Variants in TMCO4 observed in about 807,000 individuals in gnomAD.
TMCO4 encodes transmembrane and coiled-coil domain-containing protein 4.
In TMCO4, 58 loss-of-function variants were observed where a neutral mutation model predicts 64.7. That is an observed-to-expected ratio of 0.90 (90% CI 0.73 to 1.12). The LOEUF (loss-of-function observed/expected upper bound fraction) is 1.12. Among genes scored for constraint, TMCO4 ranks in the 50% most tolerant of loss-of-function variants. The pLI, the probability that TMCO4 is intolerant of heterozygous loss-of-function variation, is 0.00. For missense variants in TMCO4, 780 were observed against 825.9 expected, an observed-to-expected ratio of 0.94 and a Z score of 0.68; for synonymous variants, 325 against 346.1, an observed-to-expected ratio of 0.94 and a Z score of 0.68.
rs141814128 is a variant in TMCO4, at chr1:19,793,166, C to T, written c.-101+4971G>A. On this transcript the variant is annotated intron_variant, in intron 2 of 15. Coordinates refer to ENST00000294543, the MANE Select transcript of TMCO4 (RefSeq NM_181719.7). ...TGCTCCAGCCATACCCTCCTCCTTG[C>T]AGCTCCTGGACCCCACCAGGCTTTC... Among the ~76,000 whole-genome samples the T allele has an allele frequency of 1.3e-3, 202 of 152,212 alleles. 3 individuals are homozygous for T. The highest frequency in any genetic ancestry group is 4.7e-3 in the African/African-American group (196 of 41,536).
At chr1:19,799,538 G>C in intron 1 of TMCO4, among the ~76,000 whole-genome samples, 1 of 152,358 alleles carries the variant, frequency 6.6e-6, no homozygotes, top group Middle Eastern at 3.4e-3. Flanking sequence ...CTAAGAACTC[G>C]GAGGCCGAGG....
At chr1:19,744,725 G>A (rs1382169363) in intron 10 of TMCO4, among the ~76,000 whole-genome samples, 2 of 152,162 alleles carry the variant, frequency 1.3e-5, no homozygotes, top group East Asian at 1.9e-4. Context: ...TCTGCTCCTG[G>A]TTTATCGGGC....
rs2041789087 is a variant in TMCO4 at position 19,746,523 on chromosome 1, A to G, written c.690T>C (p.Ala230=). ...TGGCTATGCCGGCTGCTGAGCCCAG[A>G]GCCGCTGCCCCGGCGCTGCCAATAA... ...ATIIGSAGAA[A]LGSAAGIAIM... Residue 230 remains alanine (A), a synonymous_variant, in exon 9 of 16, where the codon GCT becomes GCC. Coordinates refer to ENST00000294543, the MANE Select transcript of TMCO4 (RefSeq NM_181719.7). The G allele has an allele frequency of 6.2e-7, 1 of 1,611,996 alleles. No homozygotes were observed. Among genetic ancestry groups the G allele is most frequent in the Non-Finnish European group, 8.5e-7 (1 of 1,179,302 alleles).
intron 13 of TMCO4, among the ~76,000 whole-genome samples, chr1:19,709,798 T>C (rs1302925745): frequency 1.3e-5 from 2 of 151,864 alleles, no homozygotes; most frequent in Admixed American, 6.6e-5. Context: ...TTCTTTCTTT[T>C]TTTTTTTTAG....
intron 4 of TMCO4, among the ~76,000 whole-genome samples, chr1:19,776,398 C>G (rs986413865): frequency 6.6e-6 from 1 of 152,142 alleles, no homozygotes; most frequent in Non-Finnish European, 1.5e-5. Flanking sequence ...AGACACAGGA[C>G]AGTAACTCGC....
At chr1:19,701,361 G>A (rs2095271471) in intron 13 of TMCO4, among the ~76,000 whole-genome samples, 2 of 152,004 alleles carry the variant, frequency 1.3e-5, no homozygotes, top group Non-Finnish European at 2.9e-5. Context: ...TAGTAGAGAT[G>A]GGGTTTTACC....
chr1:19,685,150 C>A (rs1473168590), intron 15 of TMCO4, among the ~76,000 whole-genome samples: 4 of 152,160 alleles, frequency 2.6e-5, no homozygotes, highest in East Asian at 1.9e-4. Context: ...CATGGGGAAA[C>A]CCTGTCTCTA....
At chr1:19,790,521 A>G (rs2043977643) in intron 2 of TMCO4, among the ~76,000 whole-genome samples, 1 of 152,224 alleles carries the variant, frequency 6.6e-6, no homozygotes, top group Non-Finnish European at 1.5e-5. Context: ...CACTTCTCAA[A>G]AGATATTCAT....
chr1:19,691,012 G>A (rs968931878), intron 15 of TMCO4, among the ~76,000 whole-genome samples: 8 of 151,900 alleles, frequency 5.3e-5, no homozygotes, highest in African/African-American at 1.9e-4. Context: ...GGGACTACAG[G>A]TGCCCACCGC....
intron 9 of TMCO4, 136 bp from the exon 10 acceptor site, chr1:19,745,787 T>G: frequency 8.2e-7 from 1 of 1,221,350 alleles, no homozygotes; most frequent in Non-Finnish European, 1.1e-6. Flanking sequence ...CATTTTGTGT[T>G]TGAACTCATT....
At chr1:19,753,700 C>T (rs898371931) in intron 7 of TMCO4, among the ~76,000 whole-genome samples, 4 of 152,258 alleles carry the variant, frequency 2.6e-5, no homozygotes, top group Admixed American at 2.6e-4. Flanking sequence ...CCCAAGGCCA[C>T]ACAGAGGGTT....
chr1:19,709,724 T>C (rs533447100), intron 13 of TMCO4, among the ~76,000 whole-genome samples: 87 of 151,502 alleles, frequency 5.7e-4, no homozygotes, highest in Non-Finnish European at 1.0e-3. Flanking sequence ...TTGTTTCTGT[T>C]TGTTTTTTTT....
chr1:19,716,317 T>C (rs1280886603), intron 13 of TMCO4, among the ~76,000 whole-genome samples: 1 of 150,320 alleles, frequency 6.7e-6, no homozygotes, highest in African/African-American at 2.4e-5. Flanking sequence ...CCTCAGTAGC[T>C]GGGATTACAG....
intron 13 of TMCO4, among the ~76,000 whole-genome samples, chr1:19,708,331 C>T (rs538143382): frequency 7.3e-5 from 11 of 151,404 alleles, no homozygotes; most frequent in South Asian, 6.3e-4. Context: ...ACTCCTGAGA[C>T]GGTGCTTTAC....
chr1:19,768,465 A>G (rs1479969806), intron 6 of TMCO4, among the ~76,000 whole-genome samples: 1 of 151,884 alleles, frequency 6.6e-6, no homozygotes, highest in Non-Finnish European at 1.5e-5. Flanking sequence ...ATATATGACA[A>G]CTCCTGAGAC....
intron 3 of TMCO4, among the ~76,000 whole-genome samples, chr1:19,782,926 T>A (rs2043559358): frequency 6.6e-6 from 1 of 152,186 alleles, no homozygotes; most frequent in African/African-American, 2.4e-5. Flanking sequence ...CCATACAGTA[T>A]CTACCTAGAA....
chr1:19,706,344 T>A (rs927893818), intron 13 of TMCO4, among the ~76,000 whole-genome samples: 3 of 152,198 alleles, frequency 2.0e-5, no homozygotes, highest in African/African-American at 7.2e-5. Flanking sequence ...TCAATAATAA[T>A]GGATATGAGA....
At chr1:19,685,339 C>CAAA (rs2095138303) in intron 15 of TMCO4, among the ~76,000 whole-genome samples, 1 of 151,526 alleles carries the variant, frequency 6.6e-6, no homozygotes, top group Non-Finnish European at 1.5e-5. Context: ...AAAAAACAAA[C>CAAA]AGACAAAAAA....
intron 7 of TMCO4, among the ~76,000 whole-genome samples, chr1:19,753,238 G>C (rs796904354): frequency 5.2e-4 from 79 of 152,298 alleles, no homozygotes; most frequent in African/African-American, 1.8e-3. Flanking sequence ...GGGATTACAG[G>C]TGTGAGCCAC....
Sources: allele counts gnomAD v4.1 joint callset (sites outside exome capture counted in the v4.1 genomes callset), GRCh38; gene constraint gnomAD v4.1.1; transcripts MANE v1.5; gene names NCBI Gene and HGNC (gene_info 2026-07-23, HGNC 2026-07-21).